HAAO: variants seen among roughly 807,000 people sequenced by gnomAD.
HAAO encodes the protein 3-hydroxyanthranilate oxygenase.
A neutral mutation model predicts 46.2 loss-of-function variants in HAAO; 49 were observed. That is an observed-to-expected ratio of 1.06 (90% confidence interval 0.84 to 1.34). The LOEUF is 1.34. Among genes scored for constraint, HAAO ranks in the 40% most tolerant of loss-of-function variants. The probability of loss-of-function intolerance (pLI) is 0.00; values close to 1 mark genes in which losing one functional copy is unlikely to be tolerated. For synonymous variants in HAAO, 157 were observed against 145.2 expected, an observed-to-expected ratio of 1.08 and a Z score of -0.58; for missense variants, 408 against 364.5, an observed-to-expected ratio of 1.12 and a Z score of -0.97.
chr2:42,791,875 C>A (rs1672824836), intron 1 of HAAO, among the ~76,000 whole-genome samples: 1 of 151,088 alleles, frequency 6.6e-6, no homozygotes, highest in African/African-American at 2.4e-5. Flanking sequence ...CTGTTGGGTG[C>A]TGCAGGCAGA....
chr2:42,770,696 C>T (rs1671048244), intron 4 of HAAO, 114 bp from the exon 5 acceptor site: 3 of 631,906 alleles, frequency 4.7e-6, no homozygotes, highest in East Asian at 2.8e-5. Flanking sequence ...GCTGTCTGCT[C>T]ACCCCTGTTA....
chr2:42,769,785 C>A lies in HAAO; in HGVS notation c.558G>T (p.Trp186Cys), dbSNP rs1135401743. ...SIMEPMSLDA[W>C]LDSHHRELQA... ...GCAGCTCCCTGTGGTGGCTGTCCAGCCAGGCATCCAGGGACATGGGCTCCA... is the reference window on the plus strand; with the variant it reads ...GCAGCTCCCTGTGGTGGCTGTCCAGACAGGCATCCAGGGACATGGGCTCCA... Residue 186 changes from tryptophan (W) to cysteine (C), a missense_variant, in exon 7 of 10, where the codon TGG becomes TGT. Trp to Cys is a radical substitution (Grantham distance 215, BLOSUM62 -2). Transcript: ENST00000294973. 2 of 1,613,988 alleles carry A rather than the reference C, an allele frequency of 1.2e-6. No individual in the cohort carries two copies. Among genetic ancestry groups the A allele is most frequent in the Non-Finnish European group, 1.7e-6 (2 of 1,179,974 alleles).
intron 2 of HAAO, among the ~76,000 whole-genome samples, chr2:42,787,252 T>C (rs1161817083): frequency 2.0e-5 from 3 of 151,766 alleles, no homozygotes; most frequent in African/African-American, 7.3e-5. Context: ...AACCATGGGA[T>C]GGGGCATGGA....
chr2:42,769,568 A>AGT (rs1670922387), intron 7 of HAAO, 145 bp downstream of exon 7: 1 of 646,184 alleles, frequency 1.5e-6, no homozygotes, highest in African/African-American at 2.4e-5. Flanking sequence ...CAACCTCTGA[A>AGT]ATGTGTGTGT....
chr2:42,769,798 G>A lies in HAAO; in HGVS notation c.545C>T (p.Ser182Phe). 1 of 1,613,942 alleles carries A rather than the reference G, an allele frequency of 6.2e-7. No homozygotes were observed. The highest frequency in any genetic ancestry group is 2.2e-5 in the East Asian group (1 of 44,878). ...LSTRSIMEPMSLDAWLDSHHR... is the reference protein window; with the variant it reads ...LSTRSIMEPMFLDAWLDSHHR... ...GTGGCTGTCCAGCCAGGCATCCAGGGACATGGGCTCCATGATGGATCGTGT... is the reference window on the plus strand; with the variant it reads ...GTGGCTGTCCAGCCAGGCATCCAGGAACATGGGCTCCATGATGGATCGTGT... Residue 182 changes from serine to phenylalanine, a missense_variant, in exon 7 of 10, where the codon TCC (serine) becomes TTC (phenylalanine). Ser to Phe is a radical substitution (Grantham distance 155, BLOSUM62 -2). Transcript: ENST00000294973.
chr2:42,785,398 C>T (rs1004432891), intron 2 of HAAO, among the ~76,000 whole-genome samples: 6 of 152,218 alleles, frequency 3.9e-5, no homozygotes, highest in African/African-American at 1.2e-4. Context: ...GCTAAAGTTA[C>T]GTTAAAGATT....
intron 5 of HAAO, 60 bp downstream of exon 5, chr2:42,770,433 A>G (rs139262200): frequency 0.017 from 20,529 of 1,220,164 alleles, 230 homozygotes; most frequent in Middle Eastern, 0.034. Flanking sequence ...CTCCCAGGGC[A>G]TCAGGTGCTG....
intron 1 of HAAO, chr2:42,789,183 C>T (rs1672606163): frequency 6.4e-6 from 1 of 156,930 alleles, no homozygotes; most frequent in South Asian, 2.0e-4. Flanking sequence ...AATAGAGGAA[C>T]AGTTCTTACC....
chr2:42,783,636 G>T (rs1672172849), intron 3 of HAAO, 148 bp downstream of exon 3: 2 of 728,982 alleles, frequency 2.7e-6, no homozygotes, highest in Admixed American at 4.4e-5. Context: ...AGGAAGGATG[G>T]GGAAGGGGCA....
At position 42,767,148 on chromosome 2, in the gene HAAO, C is replaced by T; in HGVS notation, c.*289G>A. 1 of 542,694 alleles carries T rather than the reference C, an allele frequency of 1.8e-6. No individual in the cohort carries two copies. The highest frequency in any genetic ancestry group is 1.9e-5 in the African/African-American group (1 of 52,792). The allele number at this position is 542,694 out of a possible 1,614,324, so 33.6% of individuals were successfully genotyped here. ...TTGGTGTGGAAGTGCTGCACTGAGT[C>T]TGCAGGGACAGAGGAATGGGCAGGA... On this transcript the variant is annotated 3_prime_UTR_variant, in exon 10 of 10. Transcript: ENST00000294973.
chr2:42,769,145 G>C (rs529374442), intron 7 of HAAO, among the ~76,000 whole-genome samples: 1 of 152,224 alleles, frequency 6.6e-6, no homozygotes, highest in African/African-American at 2.4e-5. Flanking sequence ...TCACATGATT[G>C]TGGCAATTGT....
chr2:42,783,201 G>A, intron 4 of HAAO, 113 bp downstream of exon 4: 1 of 656,750 alleles, frequency 1.5e-6, no homozygotes. Context: ...TGCCCACTCA[G>A]TGGCCAGGAC....
chr2:42,786,009 C>CTGTG (rs10606385), intron 2 of HAAO, among the ~76,000 whole-genome samples: 2,558 of 106,032 alleles, frequency 0.024, 70 homozygotes, highest in African/African-American at 0.037. Context: ...GAGGAAGCCT[C>CTGTG]TGTGTGTGTG....
At chr2:42,772,371 C>G (rs538055197) in intron 4 of HAAO, among the ~76,000 whole-genome samples, 20 of 151,894 alleles carry the variant, frequency 1.3e-4, no homozygotes, top group East Asian at 1.9e-4. Context: ...ATCCCAGCTA[C>G]TCAGGAGGCT....
rs1185182211 is a variant in HAAO, at chr2:42,783,382, C to T, written c.282G>A (p.Gln94=). 1.2e-6 allele frequency: 2 copies of T among 1,613,422 alleles called. No individual in the cohort carries two copies. The highest frequency in any genetic ancestry group is 2.7e-5 in the African/African-American group (2 of 74,936). The part of the protein sequence containing the change: ...LLPARVPHSP[Q]RFANTVGLVV... ...CCAGCCCCACGGTGTTGGCAAACCTCTGTGGTGAGTGGGGCACCCTGGCAG... is the reference window on the plus strand; with the variant it reads ...CCAGCCCCACGGTGTTGGCAAACCTTTGTGGTGAGTGGGGCACCCTGGCAG... Residue 94 remains glutamine (Q), a synonymous_variant, in exon 4 of 10, where the codon CAG becomes CAA. Coordinates refer to ENST00000294973, the MANE Select transcript of HAAO (RefSeq NM_012205.3).
chr2:42,782,915 A>T (rs1272906418), intron 4 of HAAO: 1 of 462,090 alleles, frequency 2.2e-6, no homozygotes, highest in Admixed American at 2.4e-5. Flanking sequence ...CTGTGCTCTT[A>T]CGACTTTGGG....
At chr2:42,768,951 T>A (rs1670875163) in intron 7 of HAAO, among the ~76,000 whole-genome samples, 1 of 152,188 alleles carries the variant, frequency 6.6e-6, no homozygotes. Flanking sequence ...CTCATGCTCA[T>A]GCTTCTCCCT....
rs369185081 is a variant in HAAO, at chr2:42,770,066, C to T, written c.484+77G>A. ...GCAGAGTATTCAAAAAGAGACTCCC[C>T]GGTCCCCTGGACCAAAACCCATCCT... On this transcript the variant is annotated intron_variant, in intron 6 of 9. Coordinates refer to ENST00000294973, the MANE Select transcript of HAAO (RefSeq NM_012205.3). The T allele has an allele frequency of 5.0e-5, 70 of 1,386,832 alleles. No homozygotes were observed. The Admixed American group carries it at 7.9e-4, about 16-fold the overall frequency. 85.9% of individuals were successfully genotyped at this position (1,386,832 alleles called of 1,614,324 possible). A position where few individuals can be genotyped will look rare whatever the true frequency, so the allele number is the denominator to read the frequency against.
chr2:42,779,539 C>T (rs1239316841), intron 4 of HAAO, among the ~76,000 whole-genome samples: 1 of 152,144 alleles, frequency 6.6e-6, no homozygotes, highest in African/African-American at 2.4e-5. Flanking sequence ...TCAGGCTGGT[C>T]TTGAACTCTT....
Sources: gnomAD v4.1 joint callset for allele counts (sites outside exome capture counted in the v4.1 genomes callset) on GRCh38, gnomAD v4.1.1 for gene constraint, MANE v1.5 for transcripts, NCBI Gene and HGNC (gene_info 2026-07-23, HGNC 2026-07-21) for gene names.